The following KDM7A variants were observed in gnomAD, a reference collection of about 807,000 sequenced individuals.
KDM7A encodes lysine demethylase 7A, also known as lysine-specific demethylase 7A.
KDM7A carries 28 observed loss-of-function variants against 114.8 expected under a neutral mutation model. The observed-to-expected ratio is 0.24, with a 90% CI of 0.18 to 0.33. The LOEUF is 0.33. Among genes scored for constraint, KDM7A ranks in the 10% least tolerant of loss-of-function variants. The pLI, the probability that KDM7A is intolerant of heterozygous loss-of-function variation, is 1.00. For synonymous variants in KDM7A, 423 were observed against 397.8 expected (o/e 1.06, Z -0.75); for missense variants, 942 against 1,142.5 (o/e 0.82, Z 2.53).
intron 2 of KDM7A, among the ~76,000 whole-genome samples, chr7:140,138,105 C>A (rs562466849): frequency 6.6e-6 from 1 of 152,018 alleles, no homozygotes; most frequent in Non-Finnish European, 1.5e-5. Flanking sequence ...AGGCAGAGTT[C>A]GAGACCAGCC....
intron 10 of KDM7A, among the ~76,000 whole-genome samples, chr7:140,112,102 TTTCC>T: frequency 6.6e-6 from 1 of 152,386 alleles, no homozygotes; most frequent in African/African-American, 2.4e-5. Context: ...TGCTTATGGC[TTTCC>T]TTGTCACCTA....
At chr7:140,131,667 A>G (rs1487569435) in intron 3 of KDM7A, among the ~76,000 whole-genome samples, 3 of 152,006 alleles carry the variant, frequency 2.0e-5, no homozygotes, top group East Asian at 1.9e-4. Context: ...CCTTCCCCCA[A>G]CCTCTGAGGA....
chr7:140,141,263 G>A (rs779035482), intron 1 of KDM7A, among the ~76,000 whole-genome samples: 20 of 152,060 alleles, frequency 1.3e-4, no homozygotes, highest in Non-Finnish European at 2.8e-4. Flanking sequence ...AATCAAGATC[G>A]GTGGAACCTG....
At chr7:140,127,645 T>C in intron 4 of KDM7A, 62 bp from the exon 5 acceptor site, 4 of 1,346,804 alleles carry the variant, frequency 3.0e-6, no homozygotes, top group Non-Finnish European at 4.2e-6. Context: ...GATGCTCTAA[T>C]CAAAAAATAT....
chr7:140,115,128 T>G (rs1410189419), intron 9 of KDM7A, among the ~76,000 whole-genome samples: 3 of 147,566 alleles, frequency 2.0e-5, no homozygotes, highest in Middle Eastern at 3.7e-3. Flanking sequence ...GGAGGCAGGT[T>G]GGGGCCAGCC....
chr7:140,147,439 A>T (rs1276439129), intron 1 of KDM7A, among the ~76,000 whole-genome samples: 1 of 152,214 alleles, frequency 6.6e-6, no homozygotes, highest in Non-Finnish European at 1.5e-5. Context: ...TGTAAAGTAC[A>T]ACTTTCATCT....
Position 140,097,036 on chromosome 7 carries a change from A to G in KDM7A, c.2028T>C (p.Phe676=). The part of the protein sequence containing the change: ...GPECTALKSI[F]TTEESESSGD... ...CTGAACTTTCAGACTCTTCAGTGGT[A>G]AAGATACTTTTCTGAGATGATAATT... Residue 676 remains phenylalanine (F), a synonymous_variant, in exon 16 of 20, where the codon TTT becomes TTC. Transcript: ENST00000397560. 5 of 1,610,596 alleles carry G rather than the reference A, an allele frequency of 3.1e-6. No individual in the cohort carries two copies. Among genetic ancestry groups the G allele is most frequent in the Non-Finnish European group, 4.2e-6 (5 of 1,177,838 alleles).
At chr7:140,125,186 G>A (rs1338848023) in intron 6 of KDM7A, among the ~76,000 whole-genome samples, 1 of 152,128 alleles carries the variant, frequency 6.6e-6, no homozygotes, top group Non-Finnish European at 1.5e-5. Context: ...CTATAAATAA[G>A]CTTCCTTTAA....
At chr7:140,136,903 C>T (rs1818879462) in intron 2 of KDM7A, among the ~76,000 whole-genome samples, 1 of 152,094 alleles carries the variant, frequency 6.6e-6, no homozygotes, top group South Asian at 2.1e-4. Context: ...AGGAGAATTG[C>T]TTGAACCTGT....
intron 17 of KDM7A, chr7:140,095,491 A>G (rs1462118337): frequency 6.3e-6 from 1 of 158,546 alleles, no homozygotes; most frequent in Non-Finnish European, 1.4e-5. Context: ...TAATAGTTAC[A>G]TGAAGTACAG....
intron 2 of KDM7A, among the ~76,000 whole-genome samples, chr7:140,134,701 T>C: frequency 6.6e-6 from 1 of 152,148 alleles, no homozygotes; most frequent in South Asian, 2.1e-4. Context: ...TGGATAGATA[T>C]GTGTTAGAGC....
At chr7:140,097,143 A>T in intron 15 of KDM7A, 96 bp from the exon 16 acceptor site, 1 of 851,912 alleles carries the variant, frequency 1.2e-6, no homozygotes, top group Non-Finnish European at 1.8e-6. Context: ...AGAGAAAGTC[A>T]GAATCTTAAT....
chr7:140,161,624 T>G (rs1202773182), intron 1 of KDM7A, among the ~76,000 whole-genome samples: 1 of 151,798 alleles, frequency 6.6e-6, no homozygotes, highest in East Asian at 1.9e-4. Flanking sequence ...CTCGGCTCAC[T>G]GCAACCTCTG....
At chr7:140,171,477 T>C (rs541040018) in intron 1 of KDM7A, among the ~76,000 whole-genome samples, 57 of 146,012 alleles carry the variant, frequency 3.9e-4, no homozygotes, top group Non-Finnish European at 7.5e-4. Context: ...CAAAAATATA[T>C]ATTTATATTT....
chr7:140,174,164 CAAA>C (rs751602446), intron 1 of KDM7A, among the ~76,000 whole-genome samples: 7 of 87,022 alleles, frequency 8.0e-5, no homozygotes, highest in Non-Finnish European at 1.2e-4. Flanking sequence ...ACTCCGTCTC[CAAA>C]AAAAAAAAAA....
chr7:140,142,230 C>A (rs1235722471), intron 1 of KDM7A, among the ~76,000 whole-genome samples: 1 of 151,014 alleles, frequency 6.6e-6, no homozygotes, highest in Non-Finnish European at 1.5e-5. Context: ...ACAGGAAGGA[C>A]TGTCTTAATC....
At chr7:140,173,565 T>A (rs1794669732) in intron 1 of KDM7A, among the ~76,000 whole-genome samples, 1 of 152,118 alleles carries the variant, frequency 6.6e-6, no homozygotes, top group Admixed American at 6.6e-5. Context: ...TCCTTCTACT[T>A]AAAGAAATAA....
intron 11 of KDM7A, among the ~76,000 whole-genome samples, chr7:140,107,660 T>TCC (rs1182461458): frequency 6.6e-6 from 1 of 152,250 alleles, no homozygotes; most frequent in Non-Finnish European, 1.5e-5. Context: ...CTGATGGGCT[T>TCC]CCCTTTGTGG....
chr7:140,128,415 C>G (rs1408939046), intron 4 of KDM7A, among the ~76,000 whole-genome samples: 4 of 152,160 alleles, frequency 2.6e-5, no homozygotes, highest in Non-Finnish European at 5.9e-5. Context: ...TTATAGACTT[C>G]TTTATCATCA....
Sources: gnomAD v4.1 joint callset for allele counts (sites outside exome capture counted in the v4.1 genomes callset) on GRCh38, gnomAD v4.1.1 for gene constraint, MANE v1.5 for transcripts, NCBI Gene and HGNC (gene_info 2026-07-23, HGNC 2026-07-21) for gene names.